Variants in ZHX2 observed in about 807,000 individuals in gnomAD.
ZHX2 encodes zinc fingers and homeoboxes 2.
Under a neutral mutation model 21.9 loss-of-function variants are expected in ZHX2, and 6 were observed. The ratio of observed to expected loss-of-function variants is 0.27; its 90% CI spans 0.15 to 0.54. ZHX2 has a LOEUF of 0.54. Ranked by LOEUF, ZHX2 falls within the 20% of genes least tolerant of loss-of-function variation. The pLI, the probability that ZHX2 is intolerant of heterozygous loss-of-function variation, is 0.95. For synonymous variants in ZHX2, 434 were observed against 437.1 expected (o/e 0.99, Z 0.09); for missense variants, 908 against 1,090.7 (o/e 0.83, Z 2.36).
At position 122,878,920 on chromosome 8, in the gene ZHX2, A is replaced by G. The variant is rs148004119; in HGVS notation, c.-220+15381A>G. Among the ~76,000 whole-genome samples, 109 of 152,220 alleles carry G rather than the reference A, an allele frequency of 7.2e-4. 1 individual carries two copies. Among genetic ancestry groups the G allele is most frequent in the African/African-American group, 2.0e-3 (85 of 41,522 alleles). On this transcript the variant is annotated intron_variant, in intron 2 of 3. Transcript: ENST00000314393. ...TTGACATTGGGGCATTTAAGTCAGT[A>G]TCTGTGTCTTCCACCCCACACCTGA...
chr8:122,888,778 C>T (rs1381806360), intron 2 of ZHX2, among the ~76,000 whole-genome samples: 1 of 152,226 alleles, frequency 6.6e-6, no homozygotes, highest in Non-Finnish European at 1.5e-5. Context: ...CCACCGCGCA[C>T]AGCCACAAAG....
chr8:122,953,907 G>A lies in ZHX2; in HGVS notation c.2397G>A (p.Gly799=), dbSNP rs1357833358. The A allele has an allele frequency of 6.2e-7, 1 of 1,614,180 alleles. No homozygotes were observed. The highest frequency in any genetic ancestry group is 1.1e-5 in the South Asian group (1 of 91,086). Residue 799 remains glycine (G), a synonymous_variant, in exon 3 of 4, where the codon GGG becomes GGA. Coordinates refer to ENST00000314393, the MANE Select transcript of ZHX2 (RefSeq NM_014943.5). This position sits in a 1 kb window ranked among gnomAD's most constrained non-coding sequence, Gnocchi z 4.6. ...SVVDYVEVTV[G]EEDAISDRSD... is the part of the protein sequence containing the mutation. Reference sequence around the variant, plus strand: ...TGGATTACGTGGAGGTGACGGTCGGGGAGGAGGATGCGATCTCAGATAGAT... The same window carrying A: ...TGGATTACGTGGAGGTGACGGTCGGAGAGGAGGATGCGATCTCAGATAGAT...
Position 122,840,593 on chromosome 8 carries a change from A to G in ZHX2, c.-282-22884A>G, listed in dbSNP as rs147357836. ...TACATTGCACAGAAAATTCATTACA[A>G]GCACAGAAAGTACTTGTCCCATGCC... is the stretch of plus-strand genomic sequence containing the variant. On this transcript the variant is annotated intron_variant, in intron 1 of 3. Coordinates refer to ENST00000314393, the MANE Select transcript of ZHX2 (RefSeq NM_014943.5). Among the ~76,000 whole-genome samples the G allele has an allele frequency of 2.6e-3, 401 of 152,364 alleles. 1 individual carries two copies. Among genetic ancestry groups the G allele is most frequent in the African/African-American group, 9.0e-3 (376 of 41,588 alleles).
chr8:122,820,081 G>C (rs1258141450), intron 1 of ZHX2, among the ~76,000 whole-genome samples: 3 of 152,202 alleles, frequency 2.0e-5, no homozygotes, highest in Non-Finnish European at 2.9e-5. Flanking sequence ...TTGGCAAAAA[G>C]AAGGGGTGAT....
chr8:122,918,526 A>C (rs1820659531), intron 2 of ZHX2, among the ~76,000 whole-genome samples: 1 of 151,992 alleles, frequency 6.6e-6, no homozygotes, highest in Non-Finnish European at 1.5e-5. Flanking sequence ...TTTGGAGGAG[A>C]CCATGGTTGA....
intron 2 of ZHX2, among the ~76,000 whole-genome samples, chr8:122,881,057 G>A (rs140564183): frequency 1.5e-4 from 23 of 152,270 alleles, no homozygotes; most frequent in Non-Finnish European, 3.1e-4. Context: ...CTTGATTAAC[G>A]CCCATTGACC....
intron 3 of ZHX2, among the ~76,000 whole-genome samples, chr8:122,960,282 T>C (rs981704735): frequency 5.9e-5 from 9 of 152,154 alleles, no homozygotes; most frequent in Non-Finnish European, 1.3e-4. Flanking sequence ...CTCATACCTG[T>C]AATCCCAGCA....
chr8:122,829,358 G>A (rs562540344), intron 1 of ZHX2, among the ~76,000 whole-genome samples: 2 of 152,320 alleles, frequency 1.3e-5, no homozygotes, highest in African/African-American at 4.8e-5. Context: ...ATCAAACAAG[G>A]CTTGTTAACT....
intron 1 of ZHX2, among the ~76,000 whole-genome samples, chr8:122,793,776 C>G (rs1412616873): frequency 6.6e-6 from 1 of 152,178 alleles, no homozygotes; most frequent in Non-Finnish European, 1.5e-5. Context: ...ATGGACTCAC[C>G]CCTCTTAATC....
At chr8:122,790,480 A>G (rs1817491665) in intron 1 of ZHX2, among the ~76,000 whole-genome samples, 1 of 152,192 alleles carries the variant, frequency 6.6e-6, no homozygotes, top group East Asian at 1.9e-4. Context: ...AGTCATTGGC[A>G]CTTAGCTACA....
rs115772183 is a variant in ZHX2 at position 122,877,431 on chromosome 8, T to C, written c.-220+13892T>C. Reference sequence around the variant, plus strand: ...ACTATGTGAAGTGTTGGAGTTGTACTACATCATTTAATCTTCATAGGCAAC... The same window carrying C: ...ACTATGTGAAGTGTTGGAGTTGTACCACATCATTTAATCTTCATAGGCAAC... On this transcript the variant is annotated intron_variant, in intron 2 of 3. Transcript: ENST00000314393. Among the ~76,000 whole-genome samples the C allele has an allele frequency of 4.4e-3, 672 of 152,308 alleles. 6 individuals carry two copies. The highest frequency in any genetic ancestry group is 0.016 in the African/African-American group (655 of 41,562).
At chr8:122,821,830 G>A (rs1379518940) in intron 1 of ZHX2, among the ~76,000 whole-genome samples, 2 of 152,156 alleles carry the variant, frequency 1.3e-5, no homozygotes, top group East Asian at 1.9e-4. Context: ...TCAGCCTCCC[G>A]AGTAGCTGGG....
At chr8:122,819,600 T>C (rs543349921) in intron 1 of ZHX2, among the ~76,000 whole-genome samples, 1 of 152,218 alleles carries the variant, frequency 6.6e-6, no homozygotes, top group African/African-American at 2.4e-5. Flanking sequence ...TTCCAGGCAC[T>C]ATCCAAGAAA....
chr8:122,862,930 G>A (rs1819202221), intron 1 of ZHX2, among the ~76,000 whole-genome samples: 1 of 152,196 alleles, frequency 6.6e-6, no homozygotes. Flanking sequence ...CCGGGCACAT[G>A]CCTTTTTCTT....
At chr8:122,934,004 A>G (rs117206299) in intron 2 of ZHX2, among the ~76,000 whole-genome samples, 2,375 of 152,316 alleles carry the variant, frequency 0.016, 70 homozygotes, top group Admixed American at 0.068. Context: ...GACTTTGTCT[A>G]CATTAATTAA....
chr8:122,832,846 C>T (rs1482205022), intron 1 of ZHX2, among the ~76,000 whole-genome samples: 1 of 152,044 alleles, frequency 6.6e-6, no homozygotes, highest in Non-Finnish European at 1.5e-5. Context: ...TAGGGGAGAC[C>T]TAATACTCCC....
At chr8:122,954,961 T>C (rs1474903902) in intron 3 of ZHX2, among the ~76,000 whole-genome samples, 2 of 151,836 alleles carry the variant, frequency 1.3e-5, no homozygotes, top group Admixed American at 1.3e-4. Context: ...AAGTGCTTGA[T>C]ATTTGCCTTG....
At chr8:122,938,876 C>G (rs1586405467) in intron 2 of ZHX2, among the ~76,000 whole-genome samples, 1 of 151,974 alleles carries the variant, frequency 6.6e-6, no homozygotes, top group South Asian at 2.1e-4. Flanking sequence ...GAATCGAGAT[C>G]AAGAAGCAGC....
At chr8:122,880,234 A>G (rs1458230385) in intron 2 of ZHX2, among the ~76,000 whole-genome samples, 1 of 151,906 alleles carries the variant, frequency 6.6e-6, no homozygotes, top group Non-Finnish European at 1.5e-5. Context: ...TCAGCCTCCC[A>G]AAGTGCTGGG....
Sources: gnomAD v4.1 joint callset for allele counts (sites outside exome capture counted in the v4.1 genomes callset) on GRCh38, gnomAD v4.1.1 for gene constraint, Gnocchi (gnomAD v3.1) non-coding constraint, MANE v1.5 for transcripts, NCBI Gene and HGNC (gene_info 2026-07-23, HGNC 2026-07-21) for gene names.